Variants in SHPK observed in about 807,000 individuals in gnomAD.
The protein encoded by SHPK is carbohydrate kinase-like protein.
SHPK carries 51 observed loss-of-function variants against 46.3 expected under a neutral mutation model. That is an observed-to-expected ratio of 1.10 (90% CI 0.88 to 1.39). The LOEUF (loss-of-function observed/expected upper bound fraction) is 1.39, where lower values mean the gene tolerates loss of function less well. SHPK is among the 40% of genes most tolerant of loss of function. SHPK has a pLI of 0.00. For missense variants in SHPK, 668 were observed against 641.3 expected (o/e 1.04, Z -0.45); for synonymous variants, 290 against 273.9 (o/e 1.06, Z -0.58).
At chr17:3,624,010 G>T in intron 3 of SHPK, 38 bp downstream of exon 3, 1 of 1,568,304 alleles carries the variant, frequency 6.4e-7, no homozygotes. Flanking sequence ...CATTCTCCCG[G>T]AAACCCAGCA....
At chr17:3,632,605 G>C (rs1249458759) in intron 1 of SHPK, among the ~76,000 whole-genome samples, 1 of 152,140 alleles carries the variant, frequency 6.6e-6, no homozygotes, top group African/African-American at 2.4e-5. Flanking sequence ...TGTGATTGGG[G>C]AGTAGCTCTT....
At chr17:3,621,949 G>C (rs944519966) in intron 4 of SHPK, among the ~76,000 whole-genome samples, 1 of 150,228 alleles carries the variant, frequency 6.7e-6, no homozygotes, top group Non-Finnish European at 1.5e-5. Flanking sequence ...CACCACACCC[G>C]GCTCCTTCTT....
intron 4 of SHPK, 134 bp from the exon 5 acceptor site, chr17:3,621,546 TTC>T: frequency 1.7e-6 from 1 of 574,134 alleles, no homozygotes; most frequent in Admixed American, 3.9e-5. Flanking sequence ...CCTCCCTCCC[TTC>T]TCTTTACTCC....
At chr17:3,622,208 C>A (rs545359919) in intron 4 of SHPK, among the ~76,000 whole-genome samples, 1 of 152,334 alleles carries the variant, frequency 6.6e-6, no homozygotes, top group East Asian at 1.9e-4. Context: ...GGATAGAATT[C>A]AGTGCCCTCA....
intron 5 of SHPK, among the ~76,000 whole-genome samples, chr17:3,620,785 T>A (rs1042966124): frequency 1.8e-4 from 28 of 151,754 alleles, no homozygotes; most frequent in African/African-American, 5.6e-4. Context: ...GGTCTTGAAC[T>A]CCTGACCTCG....
At chr17:3,624,286 C>A in intron 2 of SHPK, 55 bp from the exon 3 acceptor site, 1 of 1,525,508 alleles carries the variant, frequency 6.6e-7, no homozygotes, top group Admixed American at 1.8e-5. Context: ...CTAGGCATGG[C>A]GCGGCCTTGA....
In SHPK at chr17:3,608,748, G is replaced by C. The variant is rs2075316837; in HGVS notation, c.*1812C>G. 1 of 152,214 alleles carries C rather than the reference G, an allele frequency of 6.6e-6. No individual in the cohort carries two copies. The highest frequency in any genetic ancestry group is 1.5e-5 in the Non-Finnish European group (1 of 68,048). 9.4% of individuals were successfully genotyped at this position (152,214 alleles called of 1,614,324 possible). On this transcript the variant is annotated 3_prime_UTR_variant, in exon 7 of 7. Transcript: ENST00000225519. ...GAGACGTTTTTCTGGTAGAACACCAGGGCAAGGCTTTTCTGAGGATGATCT... is the reference window on the plus strand; with the variant it reads ...GAGACGTTTTTCTGGTAGAACACCACGGCAAGGCTTTTCTGAGGATGATCT...
chr17:3,617,129 C>A (rs2075375165), intron 5 of SHPK, among the ~76,000 whole-genome samples: 2 of 152,176 alleles, frequency 1.3e-5, no homozygotes, highest in South Asian at 4.1e-4. Context: ...ACCTCAGCCT[C>A]CCAAAGTGCT....
chr17:3,617,228 A>C (rs1162936240), intron 5 of SHPK, among the ~76,000 whole-genome samples: 1 of 152,084 alleles, frequency 6.6e-6, no homozygotes, highest in Non-Finnish European at 1.5e-5. Flanking sequence ...CACCCACCTC[A>C]CGATGACCTC....
Position 3,615,498 on chromosome 17 carries a change from A to G in SHPK, c.863T>C (p.Met288Thr), listed in dbSNP as rs2150867717. 1.2e-6 allele frequency: 2 copies of G among 1,614,194 alleles called. No individual in the cohort carries two copies. The highest frequency in any genetic ancestry group is 1.7e-6 in the Non-Finnish European group (2 of 1,180,026). The change falls in exon 6 of 7, where the codon ATG becomes ACG. Residue 288 changes from methionine (M) to threonine (T), a missense_variant. Coordinates refer to ENST00000225519, the MANE Select transcript of SHPK (RefSeq NM_013276.4). ...ISTSVQLAAS[M>T]PSGFQPAQTP... ...CTGTGCAGGCTGGAATCCTGAAGGC[A>G]TGGAGGCTGCCAGCTGAACCGAGGT...
intron 2 of SHPK, among the ~76,000 whole-genome samples, chr17:3,628,765 C>T (rs1220076168): frequency 6.6e-6 from 1 of 151,858 alleles, no homozygotes; most frequent in Non-Finnish European, 1.5e-5. Flanking sequence ...CCTCTCACCT[C>T]AGCCTCCCAA....
rs188955454 is a variant in SHPK at position 3,617,021 on chromosome 17, G to A, written c.824-1484C>T. On this transcript the variant is annotated intron_variant, in intron 5 of 6. Coordinates refer to ENST00000225519, the MANE Select transcript of SHPK (RefSeq NM_013276.4). ...CAAAGTGCTGGGATTACAGGTGCCC[G>A]CCACTGTGCCCAGCTAATTTTTATA... Among the ~76,000 whole-genome samples the A allele has an allele frequency of 1.9e-4, 29 of 152,028 alleles. 1 individual carries two copies. The highest frequency in any genetic ancestry group is 1.7e-3 in the East Asian group (9 of 5,176).
intron 2 of SHPK, among the ~76,000 whole-genome samples, chr17:3,625,829 G>A (rs1234516475): frequency 2.0e-5 from 3 of 152,214 alleles, no homozygotes; most frequent in Admixed American, 6.5e-5. Flanking sequence ...AAGGTGGGCG[G>A]ATCACCTGAG....
rs1204163555 is a variant in SHPK at position 3,610,666 on chromosome 17, A to G, written c.1331T>C (p.Val444Ala). ...LSRNDVLKQE[V>A]QRAFPLPMSF... Reference sequence around the variant, plus strand: ...CATGGGCAAAGGGAAAGCCCTCTGCACCTCCTGCTTCAGCACGTCATTCCT... The same window carrying G: ...CATGGGCAAAGGGAAAGCCCTCTGCGCCTCCTGCTTCAGCACGTCATTCCT... The change falls in exon 7 of 7, where the codon GTG becomes GCG. Residue 444 changes from valine to alanine, a missense_variant. Coordinates refer to ENST00000225519, the MANE Select transcript of SHPK (RefSeq NM_013276.4). The G allele has an allele frequency of 6.2e-7, 1 of 1,613,866 alleles. No individual in the cohort carries two copies. Among genetic ancestry groups the G allele is most frequent in the East Asian group, 2.2e-5 (1 of 44,870 alleles).
chr17:3,626,695 T>C (rs190181034), intron 2 of SHPK, among the ~76,000 whole-genome samples: 2,383 of 145,930 alleles, frequency 0.016, 73 homozygotes, highest in African/African-American at 0.059. Context: ...GCACTCCAGC[T>C]TGGGCAACAC....
chr17:3,610,472 G>C lies in SHPK; in HGVS notation c.*88C>G. 7.4e-7 allele frequency: 1 copy of C among 1,360,292 alleles called. No individual in the cohort carries two copies. The highest frequency in any genetic ancestry group is 1.0e-6 in the Non-Finnish European group (1 of 991,414). The allele number at this position is 1,360,292 out of a possible 1,614,324, so 84.3% of individuals were successfully genotyped here. ...ACTGCTTGAAAGCTGTCCACTGAAC[G>C]GTCCAGGGAAAGGATGACCCACAGA... is the stretch of plus-strand genomic sequence containing the variant. On this transcript the variant is annotated 3_prime_UTR_variant, in exon 7 of 7. Transcript: ENST00000225519.
chr17:3,623,585 A>G, intron 3 of SHPK, 94 bp from the exon 4 acceptor site: 1 of 1,317,870 alleles, frequency 7.6e-7, no homozygotes, highest in South Asian at 1.2e-5. Flanking sequence ...CAGCTGTGCC[A>G]TGGCCAGGTG....
At position 3,615,328 on chromosome 17, in the gene SHPK, A is replaced by G. The variant is rs925655020; in HGVS notation, c.1024+9T>C. 6.2e-7 allele frequency: 1 copy of G among 1,613,870 alleles called. No individual in the cohort carries two copies. Among genetic ancestry groups the G allele is most frequent in the Non-Finnish European group, 8.5e-7 (1 of 1,179,726 alleles). On this transcript the variant is annotated intron_variant, in intron 6 of 6. Coordinates refer to ENST00000225519, the MANE Select transcript of SHPK (RefSeq NM_013276.4). ...CAGAGAACACAGCGCTGTGTGGGCCACACCTTACCTAGATCTGCCATCCAC... is the reference window on the plus strand; with the variant it reads ...CAGAGAACACAGCGCTGTGTGGGCCGCACCTTACCTAGATCTGCCATCCAC...
intron 4 of SHPK, 55 bp downstream of exon 4, chr17:3,623,284 G>C: frequency 1.3e-6 from 2 of 1,596,132 alleles, no homozygotes; most frequent in Non-Finnish European, 1.7e-6. Flanking sequence ...ACTGGCTCCG[G>C]GGTTGCCCTT....
Sources: allele counts gnomAD v4.1 joint callset (sites outside exome capture counted in the v4.1 genomes callset), GRCh38; gene constraint gnomAD v4.1.1; transcripts MANE v1.5; gene names NCBI Gene and HGNC (gene_info 2026-07-23, HGNC 2026-07-21).